The following MRPL48 variants were observed in gnomAD, a reference collection of about 807,000 sequenced individuals.
MRPL48 encodes mitochondrial ribosomal protein L48, also known as large ribosomal subunit protein mL48.
Under a neutral mutation model 32.9 loss-of-function variants are expected in MRPL48, and 16 were observed. That is an observed-to-expected ratio of 0.49 (90% CI 0.33 to 0.74). The LOEUF is 0.74. MRPL48 is among the 30% of genes least tolerant of loss of function. The pLI, the probability that MRPL48 is intolerant of heterozygous loss-of-function variation, is 0.02. For synonymous variants in MRPL48, 94 were observed against 89.2 expected (o/e 1.05, Z -0.31); for missense variants, 206 against 245.3 (o/e 0.84, Z 1.07).
rs1277066784 is a variant in MRPL48 at position 73,864,795 on chromosome 11, CT to C, written c.*437del. 9.0e-3 allele frequency: 1,452 copies of C among 161,506 alleles called. No homozygotes were observed. The highest frequency in any genetic ancestry group is 0.024 in the South Asian group (149 of 6,094). The allele number at this position is 161,506 out of a possible 1,614,324, so 10.0% of individuals were successfully genotyped here. A position where few individuals can be genotyped will look rare whatever the true frequency, so the allele number is the denominator to read the frequency against. ...ACATTCTGTCTTTACCAAAAACATT[CT>C]TTTTTTTTTTTCCGAAACGGAGTCT... On this transcript the variant is annotated 3_prime_UTR_variant, in exon 8 of 8. Coordinates refer to ENST00000310614, the MANE Select transcript of MRPL48 (RefSeq NM_016055.6).
chr11:73,798,458 A>G (rs903636803), intron 1 of MRPL48, among the ~76,000 whole-genome samples: 5 of 152,024 alleles, frequency 3.3e-5, no homozygotes, highest in African/African-American at 1.2e-4. Context: ...CTTCAAATAC[A>G]TGAAGGGTTT....
chr11:73,841,458 T>C (rs1393734107), intron 4 of MRPL48, among the ~76,000 whole-genome samples: 13 of 152,276 alleles, frequency 8.5e-5, no homozygotes, highest in Admixed American at 5.9e-4. Context: ...TAGTAGCACA[T>C]GAGAAGGAAA....
chr11:73,789,051 T>A (rs7935825), intron 1 of MRPL48, among the ~76,000 whole-genome samples: 49,251 of 152,136 alleles, frequency 0.32, 8,577 homozygotes, highest in African/African-American at 0.47. Context: ...GTGGTTACCT[T>A]GGGGCTGCCC....
In MRPL48 at chr11:73,808,303, C is replaced by G; in HGVS notation, c.75-10C>G. Reference sequence around the variant, plus strand: ...TAATTGTATTGAACATACTTTCTCCCTCCTTTTAGGTTTAGAACTTCAGGA... The same window carrying G: ...TAATTGTATTGAACATACTTTCTCCGTCCTTTTAGGTTTAGAACTTCAGGA... On this transcript the variant is annotated splice_polypyrimidine_tract_variant and intron_variant, in intron 2 of 7. Transcript: ENST00000310614. 6.2e-7 allele frequency: 1 copy of G among 1,602,818 alleles called. No homozygotes were observed. Among genetic ancestry groups the G allele is most frequent in the Non-Finnish European group, 8.5e-7 (1 of 1,173,362 alleles).
intron 3 of MRPL48, among the ~76,000 whole-genome samples, chr11:73,825,261 T>C (rs916726121): frequency 3.3e-5 from 5 of 151,242 alleles, no homozygotes; most frequent in African/African-American, 9.7e-5. Flanking sequence ...TAAAAATCCT[T>C]ACTGTTACCT....
chr11:73,849,215 C>A (rs1948347480), intron 5 of MRPL48, among the ~76,000 whole-genome samples: 1 of 152,188 alleles, frequency 6.6e-6, no homozygotes, highest in African/African-American at 2.4e-5. Flanking sequence ...CGGCTGACTG[C>A]AACCTCTGCC....
At chr11:73,822,689 A>G (rs1947804482) in intron 3 of MRPL48, among the ~76,000 whole-genome samples, 3 of 152,158 alleles carry the variant, frequency 2.0e-5, no homozygotes, top group African/African-American at 7.2e-5. Context: ...CTTTTACTTG[A>G]TGTCACTTAG....
chr11:73,835,325 A>T (rs948117772), intron 4 of MRPL48, among the ~76,000 whole-genome samples: 36 of 151,754 alleles, frequency 2.4e-4, no homozygotes, highest in African/African-American at 8.2e-4. Flanking sequence ...TATTTTTAGT[A>T]GAGATGGAGT....
At chr11:73,816,416 A>T (rs1051919928) in intron 3 of MRPL48, among the ~76,000 whole-genome samples, 1 of 149,084 alleles carries the variant, frequency 6.7e-6, no homozygotes, top group Non-Finnish European at 1.5e-5. Context: ...ATTTGATGCC[A>T]GTATGAAACT....
At chr11:73,801,937 C>G (rs1481985464) in intron 1 of MRPL48, 1 of 152,152 alleles carries the variant, frequency 6.6e-6, no homozygotes, top group Non-Finnish European at 1.5e-5. Flanking sequence ...CTACAATGTG[C>G]CTGAGAGGAA....
chr11:73,820,067 G>A (rs80293829), intron 3 of MRPL48, among the ~76,000 whole-genome samples: 9,338 of 152,108 alleles, frequency 0.061, 402 homozygotes, highest in East Asian at 0.18. Flanking sequence ...AACTTAGCGG[G>A]GGCTACCAAT....
chr11:73,849,949 A>C (rs1948360138), intron 5 of MRPL48, among the ~76,000 whole-genome samples: 1 of 152,072 alleles, frequency 6.6e-6, no homozygotes, highest in Non-Finnish European at 1.5e-5. Flanking sequence ...AAAATACAAA[A>C]ACTAGCCTGG....
At chr11:73,794,447 C>A (rs534668201) in intron 1 of MRPL48, among the ~76,000 whole-genome samples, 15 of 150,924 alleles carry the variant, frequency 9.9e-5, no homozygotes, top group African/African-American at 3.4e-4. Context: ...CCCAGCTACT[C>A]GGGAGGTTGA....
At chr11:73,853,970 G>A (rs1006385150) in intron 5 of MRPL48, among the ~76,000 whole-genome samples, 4 of 151,968 alleles carry the variant, frequency 2.6e-5, no homozygotes, top group Non-Finnish European at 4.4e-5. Flanking sequence ...GATTACAGGC[G>A]TGAGCCACCG....
intron 5 of MRPL48, 190 bp downstream of exon 5, chr11:73,845,166 A>T: frequency 2.0e-6 from 1 of 497,914 alleles, no homozygotes; most frequent in Non-Finnish European, 3.3e-6. Flanking sequence ...TGGTGTAGTC[A>T]GTCTTCTCCC....
chr11:73,850,200 T>C (rs77814223), intron 5 of MRPL48, among the ~76,000 whole-genome samples: 2 of 149,288 alleles, frequency 1.3e-5, no homozygotes, highest in African/African-American at 4.9e-5. Context: ...CACTTGCTTT[T>C]TTTTTTTTTA....
Position 73,834,529 on chromosome 11 carries a change from T to G in MRPL48, c.201+8733T>G, listed in dbSNP as rs548189299. On this transcript the variant is annotated intron_variant, in intron 4 of 7. Transcript: ENST00000310614. ...TCTTGTTTTATTTTGTTTTTGCTGG[T>G]TTTTTTTTTTGTTTTTTTTTTTGAG... 6.6e-3 allele frequency among the ~76,000 whole-genome samples: 296 copies of G among 44,930 alleles called. 1 individual carries two copies. The highest frequency in any genetic ancestry group is 8.5e-3 in the South Asian group (10 of 1,174). The allele number at this position is 44,930 out of a possible 152,430, so 29.5% of individuals were successfully genotyped here. A position where few individuals can be genotyped will look rare whatever the true frequency, so the allele number is the denominator to read the frequency against.
At chr11:73,793,200 G>A (rs941333432) in intron 1 of MRPL48, among the ~76,000 whole-genome samples, 3 of 152,146 alleles carry the variant, frequency 2.0e-5, no homozygotes, top group East Asian at 1.9e-4. Flanking sequence ...TAAGTAGCTG[G>A]GATAACAGGC....
intron 5 of MRPL48, among the ~76,000 whole-genome samples, chr11:73,846,218 G>T: frequency 6.6e-6 from 1 of 151,958 alleles, no homozygotes; most frequent in East Asian, 1.9e-4. Context: ...CATGTAAGTG[G>T]AATCATATAG....
Sources: allele counts gnomAD v4.1 joint callset (sites outside exome capture counted in the v4.1 genomes callset), GRCh38; gene constraint gnomAD v4.1.1; transcripts MANE v1.5; gene names NCBI Gene and HGNC (gene_info 2026-07-23, HGNC 2026-07-21).